Variants in LHPP observed in about 807,000 individuals in gnomAD.
The protein encoded by LHPP is phospholysine phosphohistidine inorganic pyrophosphate phosphatase, also known as hLHPP.
A neutral mutation model predicts 30.3 loss-of-function variants in LHPP; 24 were observed. That is an observed-to-expected ratio of 0.79 (90% confidence interval 0.57 to 1.11). The LOEUF (loss-of-function observed/expected upper bound fraction) is 1.11. Ranked by LOEUF, LHPP falls within the 50% of genes most tolerant of loss-of-function variation. The pLI is 0.00. For missense variants in LHPP, 356 were observed against 367.2 expected (o/e 0.97, Z 0.25); for synonymous variants, 150 against 157.1 (o/e 0.95, Z 0.34).
At chr10:124,552,240 C>A (rs544067997) in intron 6 of LHPP, among the ~76,000 whole-genome samples, 2 of 152,260 alleles carry the variant, frequency 1.3e-5, no homozygotes, top group African/African-American at 4.8e-5. Context: ...TATGTACATT[C>A]TTAAATTACC....
chr10:124,580,329 T>C (rs547655292), intron 6 of LHPP, among the ~76,000 whole-genome samples: 1 of 152,386 alleles, frequency 6.6e-6, no homozygotes, highest in South Asian at 2.1e-4. Context: ...AAGAAATTCA[T>C]CCCTCTCCTT....
rs1948665190 is a variant in LHPP, at chr10:124,576,517, C to G, written c.717-36747C>G. 6.6e-6 allele frequency among the ~76,000 whole-genome samples: 1 copy of G among 150,420 alleles called. No individual in the cohort carries two copies. The highest frequency in any genetic ancestry group is 2.5e-5 in the African/African-American group (1 of 40,686). ...CTACCATATGCTGTTCCCAGACCCC[C>G]CTCCATGGCCTGCCCCCAGATCCCC... On this transcript the variant is annotated intron_variant, in intron 6 of 6. Transcript: ENST00000368842. The surrounding 1 kb of genome is among the most constrained non-coding windows in gnomAD (Gnocchi z 4.2).
intron 6 of LHPP, among the ~76,000 whole-genome samples, chr10:124,533,991 A>C (rs1363915296): frequency 1.5e-5 from 2 of 137,750 alleles, no homozygotes; most frequent in African/African-American, 5.4e-5. Flanking sequence ...GCCCTGGTCG[A>C]TGCCCTGCCC....
At chr10:124,571,199 C>T (rs10794153) in intron 6 of LHPP, among the ~76,000 whole-genome samples, 32,643 of 152,186 alleles carry the variant, frequency 0.21, 3,738 homozygotes, top group East Asian at 0.34. Flanking sequence ...TCTGGTATGT[C>T]TTTATCAGCA....
chr10:124,497,335 C>T (rs952864734), intron 4 of LHPP, among the ~76,000 whole-genome samples: 2 of 151,376 alleles, frequency 1.3e-5, no homozygotes, highest in African/African-American at 2.4e-5. Context: ...TGGACCCTGC[C>T]GCTCTCCCAG....
chr10:124,513,435 CT>C (rs57786051), intron 5 of LHPP, among the ~76,000 whole-genome samples: 6,020 of 127,214 alleles, frequency 0.047, 515 homozygotes, highest in African/African-American at 0.16. Flanking sequence ...ATTATTATTA[CT>C]TTTTTTTTCT....
chr10:124,586,690 T>C (rs1406323046), intron 6 of LHPP, among the ~76,000 whole-genome samples: 1 of 152,186 alleles, frequency 6.6e-6, no homozygotes, highest in Admixed American at 6.5e-5. Flanking sequence ...GGGCAGGAAG[T>C]GGCCTGCACA....
In LHPP at chr10:124,607,462, T is replaced by G. The variant is rs1367696840; in HGVS notation, c.717-5802T>G. Among the ~76,000 whole-genome samples the G allele has an allele frequency of 2.6e-5, 4 of 152,224 alleles. No individual in the cohort carries two copies. The East Asian group carries it at 7.7e-4, about 29-fold the overall frequency. On this transcript the variant is annotated intron_variant, in intron 6 of 6. Transcript: ENST00000368842. Reference sequence around the variant, plus strand: ...GTGCTAATGCAATCCTTTCTTTTAGTGGATTCTTGAATTTAAATGATATGT... The same window carrying G: ...GTGCTAATGCAATCCTTTCTTTTAGGGGATTCTTGAATTTAAATGATATGT...
rs138540069 is a variant in LHPP at position 124,573,397 on chromosome 10, A to G, written c.717-39867A>G. On this transcript the variant is annotated intron_variant, in intron 6 of 6. Coordinates refer to ENST00000368842, the MANE Select transcript of LHPP (RefSeq NM_022126.4). ...GCAGTGGCACAGATCATAGCTCACTATAGTCTCCACCTCAAGTGATCCTCC... is the reference window on the plus strand; with the variant it reads ...GCAGTGGCACAGATCATAGCTCACTGTAGTCTCCACCTCAAGTGATCCTCC... 3.8e-3 allele frequency among the ~76,000 whole-genome samples: 580 copies of G among 152,268 alleles called. 4 individuals carry two copies. The highest frequency in any genetic ancestry group is 0.013 in the African/African-American group (537 of 41,546).
intron 1 of LHPP, among the ~76,000 whole-genome samples, chr10:124,481,860 C>T (rs770667553): frequency 1.3e-5 from 2 of 152,196 alleles, no homozygotes; most frequent in African/African-American, 2.4e-5. Context: ...TCTCCTTGTC[C>T]GTCCCTCAGG....
intron 6 of LHPP, among the ~76,000 whole-genome samples, chr10:124,542,582 G>A (rs1328960343): frequency 6.6e-6 from 1 of 152,146 alleles, no homozygotes; most frequent in Non-Finnish European, 1.5e-5. Context: ...CCCCAGGTGG[G>A]GACCAGAGAG....
chr10:124,606,531 G>C (rs368345790), intron 6 of LHPP, among the ~76,000 whole-genome samples: 2 of 152,252 alleles, frequency 1.3e-5, no homozygotes, highest in African/African-American at 2.4e-5. Context: ...AGGGTCCCCA[G>C]GTGCAGGGGA....
chr10:124,564,886 T>A (rs1344783673), intron 6 of LHPP, among the ~76,000 whole-genome samples: 1 of 152,256 alleles, frequency 6.6e-6, no homozygotes, highest in East Asian at 1.9e-4. Flanking sequence ...TGGAGACTAT[T>A]ATTCTAAGTG....
intron 6 of LHPP, among the ~76,000 whole-genome samples, chr10:124,575,413 C>T (rs901067039): frequency 3.9e-5 from 6 of 152,170 alleles, no homozygotes; most frequent in Admixed American, 2.6e-4. Context: ...CTCCCTAATA[C>T]GCCATTTACT....
chr10:124,508,086 T>C (rs1322514505), intron 5 of LHPP, among the ~76,000 whole-genome samples: 3 of 151,944 alleles, frequency 2.0e-5, no homozygotes, highest in Non-Finnish European at 4.4e-5. Context: ...GTCCTGACTA[T>C]AGGGGTCTGG....
intron 5 of LHPP, among the ~76,000 whole-genome samples, chr10:124,501,992 A>G (rs972114011): frequency 2.6e-5 from 4 of 151,968 alleles, no homozygotes; most frequent in Non-Finnish European, 5.9e-5. Flanking sequence ...GGGAACTCCT[A>G]GGTACCCATC....
At chr10:124,603,342 G>A (rs1267001949) in intron 6 of LHPP, among the ~76,000 whole-genome samples, 1 of 152,092 alleles carries the variant, frequency 6.6e-6, no homozygotes, top group East Asian at 1.9e-4. Context: ...ACCCCTCCTT[G>A]TTACAGAGGA....
At chr10:124,505,502 C>A (rs574810718) in intron 5 of LHPP, among the ~76,000 whole-genome samples, 16 of 152,280 alleles carry the variant, frequency 1.1e-4, no homozygotes, top group African/African-American at 3.8e-4. Context: ...TCCCCAAATC[C>A]AATTTTCATT....
In LHPP at chr10:124,498,016, G is replaced by A; in HGVS notation, c.532-20G>A. 6.3e-7 allele frequency: 1 copy of A among 1,597,682 alleles called. No individual in the cohort carries two copies. Among genetic ancestry groups the A allele is most frequent in the African/African-American group, 1.3e-5 (1 of 74,716 alleles). Reference sequence around the variant, plus strand: ...TTCCTTGATCCCAAACTTATGCCATGTCCCTCTCTCTTTTCCCAGTATGCC... The same window carrying A: ...TTCCTTGATCCCAAACTTATGCCATATCCCTCTCTCTTTTCCCAGTATGCC... On this transcript the variant is annotated intron_variant, in intron 4 of 6. Transcript: ENST00000368842.
Sources: allele counts gnomAD v4.1 joint callset (sites outside exome capture counted in the v4.1 genomes callset), GRCh38; gene constraint gnomAD v4.1.1; non-coding constraint Gnocchi (gnomAD v3.1); transcripts MANE v1.5; gene names NCBI Gene and HGNC (gene_info 2026-07-23, HGNC 2026-07-21).